Variants in PLEKHB1 observed in about 807,000 individuals in gnomAD.
PLEKHB1 encodes pleckstrin homology domain-containing family B member 1.
Under a neutral mutation model 36.2 loss-of-function variants are expected in PLEKHB1, and 29 were observed. The observed-to-expected ratio is 0.80, with a 90% CI of 0.60 to 1.09. The LOEUF is 1.09. Ranked by LOEUF, PLEKHB1 falls within the 50% of genes least tolerant of loss-of-function variation. The probability of loss-of-function intolerance (pLI) is 0.00; values close to 1 mark genes in which losing one functional copy is unlikely to be tolerated. For synonymous variants in PLEKHB1, 138 were observed against 140.0 expected, an observed-to-expected ratio of 0.99 and a Z score of 0.10; for missense variants, 330 against 348.2, an observed-to-expected ratio of 0.95 and a Z score of 0.42.
chr11:73,653,260 GA>G lies in PLEKHB1; in HGVS notation c.390+248del, dbSNP rs1381457918. On this transcript the variant is annotated intron_variant, in intron 5 of 7. Coordinates refer to ENST00000354190, the MANE Select transcript of PLEKHB1 (RefSeq NM_021200.3). ...GAGTGGCACATGAGCTGGGGAGAAG[GA>G]ACTGTCTTTTATCGAGCAACTATTA... 2.7e-4 allele frequency: 178 copies of G among 665,466 alleles called. 1 individual carries two copies. In the East Asian group the frequency reaches 4.8e-3, roughly 18 times the overall value. The allele number at this position is 665,466 out of a possible 1,614,324, so 41.2% of individuals were successfully genotyped here.
At position 73,646,625 on chromosome 11, in the gene PLEKHB1, C is replaced by G; in HGVS notation, c.17C>G (p.Pro6Arg). Residue 6 changes from proline (P) to arginine (R), a missense_variant and splice_region_variant, in exon 1 of 8, where the codon CCG becomes CGG. Coordinates refer to ENST00000354190, the MANE Select transcript of PLEKHB1 (RefSeq NM_021200.3). Reference protein sequence around the residue: MSPAAPVPPDSALESP... With the variant: MSPAARVPPDSALESP... ...CCAGGAACCATGAGCCCTGCAGCCC[C>G]GGTAAGGAAGAGTTCTCTGGGACAG... 6.4e-7 allele frequency: 1 copy of G among 1,551,450 alleles called. No individual in the cohort carries two copies. The highest frequency in any genetic ancestry group is 8.7e-7 in the Non-Finnish European group (1 of 1,146,978).
At chr11:73,653,149 A>G in intron 5 of PLEKHB1, 135 bp downstream of exon 5, 1 of 905,718 alleles carries the variant, frequency 1.1e-6, no homozygotes, top group Non-Finnish European at 1.7e-6. Context: ...CTGATGCCTG[A>G]GTCCCAAGTG....
intron 5 of PLEKHB1, among the ~76,000 whole-genome samples, chr11:73,654,854 T>G (rs763499809): frequency 6.6e-6 from 1 of 151,990 alleles, no homozygotes; most frequent in African/African-American, 2.4e-5. Flanking sequence ...TTGGAAGAAA[T>G]GGACTTTCCC....
At chr11:73,654,421 A>G (rs1944955456) in intron 5 of PLEKHB1, among the ~76,000 whole-genome samples, 2 of 152,232 alleles carry the variant, frequency 1.3e-5, no homozygotes, top group Non-Finnish European at 2.9e-5. Flanking sequence ...CCACGTCCTG[A>G]GTGCCAGGCA....
chr11:73,661,649 C>T lies in PLEKHB1; in HGVS notation c.*47C>T, dbSNP rs1474026427. On this transcript the variant is annotated 3_prime_UTR_variant, in exon 8 of 8. Transcript: ENST00000354190. The surrounding 1 kb of genome is among the most constrained non-coding windows in gnomAD (Gnocchi z 4.6). The stretch of plus-strand genomic sequence containing the variant: ...ACCCCTGCGCTTGGATTGCTAGACT[C>T]CTCTTCCTCCTGGACCCCATCCTCT... The T allele has an allele frequency of 6.6e-7, 1 of 1,526,232 alleles. No individual in the cohort carries two copies. Among genetic ancestry groups the T allele is most frequent in the Non-Finnish European group, 8.8e-7 (1 of 1,141,842 alleles). 94.5% of individuals were successfully genotyped at this position (1,526,232 alleles called of 1,614,324 possible).
rs962482782 is a variant in PLEKHB1, at chr11:73,648,067, C to A, written c.19-945C>A. The A allele has an allele frequency of 6.0e-6, 5 of 826,910 alleles. No homozygotes were observed. The African/African-American group carries it at 9.5e-5, about 16-fold the overall frequency. The allele number at this position is 826,910 out of a possible 1,614,324, so 51.2% of individuals were successfully genotyped here. A position where few individuals can be genotyped will look rare whatever the true frequency, so the allele number is the denominator to read the frequency against. On this transcript the variant is annotated intron_variant, in intron 1 of 7. Coordinates refer to ENST00000354190, the MANE Select transcript of PLEKHB1 (RefSeq NM_021200.3). Reference sequence around the variant, plus strand: ...ACAGGAGTAAGGATTCCCTTCCTAACAGGGTTAGAGTGGGGACAAGGTGAG... The same window carrying A: ...ACAGGAGTAAGGATTCCCTTCCTAAAAGGGTTAGAGTGGGGACAAGGTGAG...
Position 73,661,609 on chromosome 11 carries a change from G to A in PLEKHB1, c.*7G>A, listed in dbSNP as rs766049767. On this transcript the variant is annotated 3_prime_UTR_variant, in exon 8 of 8. Transcript: ENST00000354190. The surrounding 1 kb of genome is among the most constrained non-coding windows in gnomAD (Gnocchi z 4.6). ...GTCGCCCTGCTGGTTCTGAGCCCTG[G>A]GACTCGGAGCACTGACCCCTGCGCT... 1 of 1,573,240 alleles carries A rather than the reference G, an allele frequency of 6.4e-7. No homozygotes were observed. Among genetic ancestry groups the A allele is most frequent in the South Asian group, 1.2e-5 (1 of 85,336 alleles).
At chr11:73,659,323 C>T (rs1015892475) in intron 6 of PLEKHB1, among the ~76,000 whole-genome samples, 2 of 151,866 alleles carry the variant, frequency 1.3e-5, no homozygotes, top group Non-Finnish European at 2.9e-5. Flanking sequence ...GACACCTGGA[C>T]TTCTAAGGGG....
Position 73,661,777 on chromosome 11 carries a change from A to C in PLEKHB1, c.*175A>C. 1 of 769,638 alleles carries C rather than the reference A, an allele frequency of 1.3e-6. No individual in the cohort carries two copies. Among genetic ancestry groups the C allele is most frequent in the Non-Finnish European group, 2.0e-6 (1 of 507,882 alleles). The allele number at this position is 769,638 out of a possible 1,614,324, so 47.7% of individuals were successfully genotyped here. A position where few individuals can be genotyped will look rare whatever the true frequency, so the allele number is the denominator to read the frequency against. ...CTACCCTTAATCCCCACATGGGAAG[A>C]AGCTATCATCACAGGTACAAACATC... On this transcript the variant is annotated 3_prime_UTR_variant, in exon 8 of 8. Transcript: ENST00000354190. This position sits in a 1 kb window ranked among gnomAD's most constrained non-coding sequence, Gnocchi z 4.6.
rs1185308168 is a variant in PLEKHB1, at chr11:73,647,135, G to A, written c.18+509G>A. 2.6e-5 allele frequency among the ~76,000 whole-genome samples: 4 copies of A among 152,010 alleles called. 1 individual carries two copies. The South Asian group carries it at 6.2e-4, about 24-fold the overall frequency. ...TGACAGTATTCATAGGGGAAATTTCGGGTCGCCTAGGAAACTGCCCCTCAT... is the reference window on the plus strand; with the variant it reads ...TGACAGTATTCATAGGGGAAATTTCAGGTCGCCTAGGAAACTGCCCCTCAT... On this transcript the variant is annotated intron_variant, in intron 1 of 7. Transcript: ENST00000354190.
At chr11:73,651,353 CA>C (rs35147175) in intron 3 of PLEKHB1, 60,043 of 334,330 alleles carry the variant, frequency 0.18, 1,699 homozygotes, top group African/African-American at 0.36. Flanking sequence ...GACCCTGTCT[CA>C]AAAAAAAAAA....
chr11:73,655,984 C>T, intron 6 of PLEKHB1, 77 bp downstream of exon 6: 3 of 1,237,074 alleles, frequency 2.4e-6, no homozygotes, highest in Admixed American at 3.6e-5. Flanking sequence ...CAGTCCATCC[C>T]TTCCCTGTGA....
At chr11:73,651,474 G>A (rs1031653176) in intron 3 of PLEKHB1, 20 of 549,328 alleles carry the variant, frequency 3.6e-5, no homozygotes, top group East Asian at 8.8e-5. Flanking sequence ...GGATGAAGAC[G>A]AAATGAAATT....
chr11:73,650,236 G>A (rs1274431208), intron 2 of PLEKHB1, among the ~76,000 whole-genome samples: 1 of 152,190 alleles, frequency 6.6e-6, no homozygotes, highest in African/African-American at 2.4e-5. Flanking sequence ...GAGAGAAGAT[G>A]CAGGCTTAAG....
chr11:73,650,771 A>T, intron 3 of PLEKHB1, 66 bp downstream of exon 3: 3 of 1,471,448 alleles, frequency 2.0e-6, no homozygotes, highest in Non-Finnish European at 1.8e-6. Flanking sequence ...GTCTCCGAGA[A>T]CACTTGCTGT....
chr11:73,652,231 C>T (rs1944911638), intron 4 of PLEKHB1, among the ~76,000 whole-genome samples: 2 of 152,232 alleles, frequency 1.3e-5, no homozygotes, highest in Non-Finnish European at 2.9e-5. Context: ...GGCACCCTTG[C>T]TCCCTTCTTA....
In PLEKHB1 at chr11:73,654,856, G is replaced by C. The variant is rs73536630; in HGVS notation, c.391-947G>C. Among the ~76,000 whole-genome samples, 547 of 152,302 alleles carry C rather than the reference G, an allele frequency of 3.6e-3. 4 individuals are homozygous for C. Among genetic ancestry groups the C allele is most frequent in the African/African-American group, 0.013 (520 of 41,548 alleles). Reference sequence around the variant, plus strand: ...CCTCAAAGTCCAGTTGGAAGAAATGGACTTTCCCTGAGGCCTGTAGGGAGC... The same window carrying C: ...CCTCAAAGTCCAGTTGGAAGAAATGCACTTTCCCTGAGGCCTGTAGGGAGC... On this transcript the variant is annotated intron_variant, in intron 5 of 7. Coordinates refer to ENST00000354190, the MANE Select transcript of PLEKHB1 (RefSeq NM_021200.3).
At chr11:73,647,743 G>A in intron 1 of PLEKHB1, 1 of 985,414 alleles carries the variant, frequency 1.0e-6, no homozygotes, top group Non-Finnish European at 1.2e-6. Context: ...GACAAGGTGG[G>A]TGCATCAAGG....
intron 2 of PLEKHB1, among the ~76,000 whole-genome samples, chr11:73,650,274 G>T (rs183261268): frequency 6.6e-6 from 1 of 152,324 alleles, no homozygotes; most frequent in East Asian, 1.9e-4. Context: ...CCCTTGAAGA[G>T]ACCTGGGGCT....
Sources: gnomAD v4.1 joint callset for allele counts (sites outside exome capture counted in the v4.1 genomes callset) on GRCh38, gnomAD v4.1.1 for gene constraint, Gnocchi (gnomAD v3.1) non-coding constraint, MANE v1.5 for transcripts, NCBI Gene and HGNC (gene_info 2026-07-23, HGNC 2026-07-21) for gene names.